The following STK40 variants were observed in gnomAD, a reference collection of about 807,000 sequenced individuals.
The protein encoded by STK40 is serine/threonine-protein kinase 40.
In STK40, 13 loss-of-function variants were observed where a neutral mutation model predicts 47.9. The observed-to-expected ratio is 0.27, with a 90% confidence interval of 0.18 to 0.43. The LOEUF is 0.43. STK40 is among the 20% of genes least tolerant of loss of function. The pLI is 1.00. For synonymous variants in STK40, 225 were observed against 243.2 expected, an observed-to-expected ratio of 0.93 and a Z score of 0.69; for missense variants, 460 against 595.1, an observed-to-expected ratio of 0.77 and a Z score of 2.36.
intron 1 of STK40, among the ~76,000 whole-genome samples, chr1:36,361,709 C>A: frequency 6.6e-6 from 1 of 152,194 alleles, no homozygotes; most frequent in Non-Finnish European, 1.5e-5. Flanking sequence ...GAGAGCCAGC[C>A]CCATCCAGCT....
At chr1:36,354,982 G>T (rs1646789884) in intron 5 of STK40, among the ~76,000 whole-genome samples, 1 of 152,194 alleles carries the variant, frequency 6.6e-6, no homozygotes, top group South Asian at 2.1e-4. Context: ...GTTGGCTGTG[G>T]TAATTACCAC....
chr1:36,347,708 A>G (rs1344757358), intron 7 of STK40, among the ~76,000 whole-genome samples: 1 of 148,142 alleles, frequency 6.8e-6, no homozygotes, highest in Non-Finnish European at 1.5e-5. Context: ...GCTGGAGTGC[A>G]GTGGCACAAT....
At chr1:36,361,583 G>A (rs187862746) in intron 1 of STK40, among the ~76,000 whole-genome samples, 6 of 152,224 alleles carry the variant, frequency 3.9e-5, no homozygotes, top group African/African-American at 1.2e-4. Context: ...GTACAGAGGC[G>A]GGGAGCCAAC....
chr1:36,362,312 A>G (rs1400036938), intron 1 of STK40, among the ~76,000 whole-genome samples: 1 of 152,190 alleles, frequency 6.6e-6, no homozygotes, highest in Non-Finnish European at 1.5e-5. Context: ...CGAGTTCCAC[A>G]TGGGGAAGGT....
At position 36,343,956 on chromosome 1, in the gene STK40, G is replaced by C. The variant is rs759056560; in HGVS notation, c.908C>G (p.Thr303Ser). 1 of 1,606,940 alleles carries C rather than the reference G, an allele frequency of 6.2e-7. No individual in the cohort carries two copies. The highest frequency in any genetic ancestry group is 1.7e-5 in the Admixed American group (1 of 59,482). ...IPEDGRVSEN[T>S]VCLIRKLLVL... is the part of the protein sequence containing the mutation. ...CAGCAGCTTCCGGATGAGACACACG[G>C]TGTTCTCAGAAACCCGTCCATCCCT... is the stretch of plus-strand genomic sequence containing the variant. The change falls in exon 9 of 11, where the codon ACC becomes AGC. Residue 303 changes from threonine (T) to serine (S), a missense_variant. By Grantham distance (58) the Thr-to-Ser change is moderately conservative. Around this residue, in one of 3 missense-constraint regions of STK40, gnomAD observed 181 missense variants for 218.9 expected, o/e 0.83. Transcript: ENST00000373132.
At chr1:36,371,542 G>A (rs1037557304) in intron 1 of STK40, among the ~76,000 whole-genome samples, 4 of 151,822 alleles carry the variant, frequency 2.6e-5, no homozygotes, top group African/African-American at 4.8e-5. Flanking sequence ...CTGGGTGACA[G>A]AGCGAGACTC....
chr1:36,348,663 T>G, intron 7 of STK40, 37 bp downstream of exon 7: 513 of 1,552,382 alleles, frequency 3.3e-4, no homozygotes, highest in Non-Finnish European at 4.1e-4. Flanking sequence ...CTGGCTGTAT[T>G]GAGCTTAGAG....
intron 2 of STK40, 121 bp downstream of exon 2, chr1:36,361,100 G>T: frequency 1.7e-6 from 2 of 1,148,308 alleles, no homozygotes; most frequent in South Asian, 1.4e-5. Flanking sequence ...GGCAGGGCAG[G>T]ACCACACACT....
chr1:36,347,098 G>A (rs1646710188), intron 7 of STK40, among the ~76,000 whole-genome samples: 1 of 152,168 alleles, frequency 6.6e-6, no homozygotes, highest in Non-Finnish European at 1.5e-5. Context: ...GCAGCCCTGG[G>A]GACAGGCCTG....
intron 1 of STK40, among the ~76,000 whole-genome samples, chr1:36,367,037 A>G (rs570826059): frequency 7.7e-4 from 115 of 148,570 alleles, no homozygotes; most frequent in Non-Finnish European, 8.2e-4. Context: ...TAGTAGAGAC[A>G]GGGTTTCACC....
intron 7 of STK40, among the ~76,000 whole-genome samples, chr1:36,345,894 C>A (rs1307846870): frequency 6.8e-6 from 1 of 147,778 alleles, no homozygotes; most frequent in Non-Finnish European, 1.5e-5. Flanking sequence ...TGGGCTTTGG[C>A]TTCTGAGGGG....
intron 6 of STK40, 132 bp from the exon 7 acceptor site, chr1:36,348,947 G>T: frequency 1.3e-6 from 1 of 765,522 alleles, no homozygotes; most frequent in Non-Finnish European, 2.2e-6. Flanking sequence ...GTCAGAGGGT[G>T]AAGCAGCTGC....
intron 1 of STK40, among the ~76,000 whole-genome samples, chr1:36,383,239 C>T (rs1428650336): frequency 6.6e-6 from 1 of 152,350 alleles, no homozygotes; most frequent in African/African-American, 2.4e-5. Context: ...CCATCATACC[C>T]GGCCTCAAAT....
chr1:36,382,532 T>C (rs538956132), intron 1 of STK40, among the ~76,000 whole-genome samples: 4 of 152,306 alleles, frequency 2.6e-5, no homozygotes, highest in Non-Finnish European at 4.4e-5. Flanking sequence ...TACTTCTATT[T>C]TTAAAAATAG....
intron 9 of STK40, 40 bp downstream of exon 9, chr1:36,343,820 G>A (rs1646675402): frequency 1.3e-6 from 2 of 1,539,600 alleles, no homozygotes; most frequent in Non-Finnish European, 1.8e-6. Context: ...GAGGCCCTGA[G>A]GACGCAGCCT....
chr1:36,385,216 T>C (rs539354490), intron 1 of STK40, among the ~76,000 whole-genome samples: 47 of 152,240 alleles, frequency 3.1e-4, no homozygotes, highest in African/African-American at 1.0e-3. Flanking sequence ...GGCAAGCAGG[T>C]AGCTGTGACT....
intron 7 of STK40, among the ~76,000 whole-genome samples, chr1:36,345,991 A>ATATATATATATATATTTTTTTT: frequency 3.8e-5 from 1 of 26,466 alleles, no homozygotes; most frequent in African/African-American, 1.4e-4. Context: ...ATATATATAT[A>ATATATATATATATATTTTTTTT]TTTTTTTTTT....
intron 4 of STK40, among the ~76,000 whole-genome samples, chr1:36,357,685 T>C (rs1019997399): frequency 7.9e-5 from 12 of 152,160 alleles, no homozygotes; most frequent in Non-Finnish European, 1.2e-4. Context: ...GGCACAATCT[T>C]GGCTCACTGC....
intron 5 of STK40, 30 bp from the exon 6 acceptor site, chr1:36,354,446 T>C (rs558236785): frequency 5.6e-6 from 9 of 1,613,382 alleles, no homozygotes; most frequent in Admixed American, 3.3e-5. Context: ...TGGTTTACAT[T>C]GTCAATGTGA....
Sources: gnomAD v4.1 joint callset for allele counts (sites outside exome capture counted in the v4.1 genomes callset) on GRCh38, gnomAD v4.1.1 for gene constraint, gnomAD v4.1.1 regional missense constraint, MANE v1.5 for transcripts, NCBI Gene and HGNC (gene_info 2026-07-23, HGNC 2026-07-21) for gene names.